SIRPB2: variants seen among roughly 807,000 people sequenced by gnomAD.
The protein encoded by SIRPB2 is signal-regulatory protein beta-2.
Under a neutral mutation model 27.1 loss-of-function variants are expected in SIRPB2, and 18 were observed. That is an observed-to-expected ratio of 0.66 (90% CI 0.46 to 0.98). The LOEUF (loss-of-function observed/expected upper bound fraction) is 0.98, where lower values mean the gene tolerates loss of function less well. Ranked by LOEUF, SIRPB2 falls within the 50% of genes least tolerant of loss-of-function variation. SIRPB2 has a pLI of 0.00. For missense variants in SIRPB2, 420 were observed against 417.4 expected (o/e 1.01, Z -0.06); for synonymous variants, 150 against 164.6 (o/e 0.91, Z 0.68).
intron 1 of SIRPB2, chr20:1,480,408 CAG>C: frequency 4.1e-6 from 1 of 242,520 alleles, no homozygotes; most frequent in Non-Finnish European, 8.1e-6. Context: ...AAAGGTTAGG[CAG>C]CTGTCCCAGG....
chr20:1,476,354 G>T lies in SIRPB2; in HGVS notation c.860-18C>A. On this transcript the variant is annotated intron_variant, in intron 4 of 4. Transcript: ENST00000359801. ...CAGGAGGCCTGGGAGGCACAGGAGA[G>T]AGCTCAGGCGGGACCCGTGGTGAGG... 2 of 1,603,956 alleles carry T rather than the reference G, an allele frequency of 1.2e-6. No homozygotes were observed. The highest frequency in any genetic ancestry group is 8.5e-7 in the Non-Finnish European group (1 of 1,175,662).
intron 3 of SIRPB2, 21 bp from the exon 4 acceptor site, chr20:1,477,424 G>T: frequency 6.2e-7 from 1 of 1,601,072 alleles, no homozygotes; most frequent in South Asian, 1.1e-5. Context: ...GAGAGGCTTT[G>T]TCATACTTCC....
intron 1 of SIRPB2, among the ~76,000 whole-genome samples, chr20:1,481,122 G>A (rs1031516888): frequency 1.3e-5 from 2 of 152,186 alleles, no homozygotes; most frequent in African/African-American, 4.8e-5. Context: ...TAAGAATTCT[G>A]TGAGGTAGAT....
At chr20:1,484,702 AAAC>A (rs1363947549) in intron 1 of SIRPB2, among the ~76,000 whole-genome samples, 1,664 of 151,920 alleles carry the variant, frequency 0.011, 37 homozygotes, top group African/African-American at 0.039. Flanking sequence ...TAAAAAAAAA[AAAC>A]AAAATAAATA....
intron 1 of SIRPB2, among the ~76,000 whole-genome samples, chr20:1,483,561 A>G (rs890533486): frequency 1.3e-5 from 2 of 152,038 alleles, no homozygotes; most frequent in Admixed American, 6.5e-5. Flanking sequence ...ATGTTTATTC[A>G]TTCCTTTCCT....
chr20:1,488,631 G>A (rs979297966), intron 1 of SIRPB2, among the ~76,000 whole-genome samples: 1 of 122,184 alleles, frequency 8.2e-6, no homozygotes, highest in Non-Finnish European at 1.7e-5. Context: ...CTGGGCAACA[G>A]AGTGAGACCC....
chr20:1,471,712 C>G (rs1485238099), downstream of SIRPB2, among the ~76,000 whole-genome samples: 4 of 152,190 alleles, frequency 2.6e-5, no homozygotes, highest in Admixed American at 6.5e-5. Context: ...GATACCGCCA[C>G]CCCAATACTG....
chr20:1,472,760 A>G (rs1355512184), downstream of SIRPB2: 1 of 152,164 alleles, frequency 6.6e-6, no homozygotes, highest in East Asian at 1.9e-4. Flanking sequence ...GCACAGCCAG[A>G]TTTCCGAGAC....
In SIRPB2 at chr20:1,479,873, G is replaced by T. The variant is rs2090650462; in HGVS notation, c.278C>A (p.Pro93His). ...CCGTTGGATCATGGGCATTACCCCA[G>T]GGAAGGAGCCACGTTTAAAGTTATA... is the stretch of plus-strand genomic sequence containing the variant. ...EIYNFKRGSF[P>H]GVMPMIQRTS... The change falls in exon 2 of 5, where the codon CCT (proline) becomes CAT (histidine). Residue 93 changes from proline to histidine, a missense_variant. Pro to His is a moderately conservative substitution (Grantham distance 77). Transcript: ENST00000359801. 5.0e-6 allele frequency: 8 copies of T among 1,614,114 alleles called. No individual in the cohort carries two copies. In the South Asian group the frequency reaches 7.7e-5, roughly 16 times the overall value.
intron 1 of SIRPB2, among the ~76,000 whole-genome samples, chr20:1,490,254 C>A (rs1233559515): frequency 6.6e-6 from 1 of 152,148 alleles, no homozygotes; most frequent in Non-Finnish European, 1.5e-5. Context: ...GTCATACGGC[C>A]AATGAGTAAG....
At chr20:1,482,922 CA>C (rs2090687363) in intron 1 of SIRPB2, among the ~76,000 whole-genome samples, 1 of 152,054 alleles carries the variant, frequency 6.6e-6, no homozygotes, top group Non-Finnish European at 1.5e-5. Flanking sequence ...CGTAGAAATG[CA>C]TGCACTCCTT....
chr20:1,488,357 G>A (rs2090746768), intron 1 of SIRPB2, among the ~76,000 whole-genome samples: 1 of 152,134 alleles, frequency 6.6e-6, no homozygotes, highest in Admixed American at 6.5e-5. Flanking sequence ...CACAGTGAGA[G>A]GTTGGTAATC....
intron 1 of SIRPB2, among the ~76,000 whole-genome samples, chr20:1,487,611 G>A (rs2123054157): frequency 6.6e-6 from 1 of 152,306 alleles, no homozygotes; most frequent in South Asian, 2.1e-4. Flanking sequence ...AGAGAGTCTA[G>A]AAATAGTCCA....
Position 1,475,781 on chromosome 20 carries a change from T to TCATTAAAAAA in SIRPB2, c.*385_*386insTTTTTTAATG. On this transcript the variant is annotated 3_prime_UTR_variant, in exon 5 of 5. Coordinates refer to ENST00000359801, the MANE Select transcript of SIRPB2 (RefSeq NM_001122962.2). ...GAGGGGCACAGATGGTCTGGCTGGT[T>TCATTAAAAAA]GAGTTCAGAGATTCTTACAGACATC... 4 of 137,440 alleles carry TCATTAAAAAA rather than the reference T, an allele frequency of 2.9e-5. No homozygotes were observed. Among genetic ancestry groups the TCATTAAAAAA allele is most frequent in the South Asian group, 3.6e-4 (2 of 5,616 alleles). The allele number at this position is 137,440 out of a possible 1,614,324, so 8.5% of individuals were successfully genotyped here.
downstream of SIRPB2, chr20:1,474,465 G>A (rs2090592070): frequency 6.6e-6 from 1 of 152,488 alleles, no homozygotes; most frequent in African/African-American, 2.4e-5. Flanking sequence ...CCGCTATAGT[G>A]AGTGCTAATA....
chr20:1,486,115 C>A (rs1181509546), intron 1 of SIRPB2, among the ~76,000 whole-genome samples: 1 of 150,520 alleles, frequency 6.6e-6, no homozygotes, highest in Non-Finnish European at 1.5e-5. Flanking sequence ...CTCTGTCACC[C>A]AGGCTGGAAT....
downstream of SIRPB2, among the ~76,000 whole-genome samples, chr20:1,472,298 C>T (rs1427127647): frequency 6.6e-6 from 1 of 152,180 alleles, no homozygotes; most frequent in African/African-American, 2.4e-5. Context: ...CCACGAAGGG[C>T]CTTAAATTGT....
rs377538882 is a variant in SIRPB2, at chr20:1,490,268, G to A, written c.85+1007C>T. 6.6e-5 allele frequency among the ~76,000 whole-genome samples: 10 copies of A among 152,262 alleles called. No homozygotes were observed. The South Asian group carries it at 1.0e-3, about 16-fold the overall frequency. On this transcript the variant is annotated intron_variant, in intron 1 of 4. Coordinates refer to ENST00000359801, the MANE Select transcript of SIRPB2 (RefSeq NM_001122962.2). ...AGTCATACGGCCAATGAGTAAGGGA[G>A]CACCTAGGTCCGACCCCACACCTGG...
At position 1,475,165 on chromosome 20, in the gene SIRPB2, C is replaced by T. The variant is rs984497; in HGVS notation, c.*1002G>A. 0.1 allele frequency: 15,610 copies of T among 152,292 alleles called. 936 individuals are homozygous for T. Among genetic ancestry groups the T allele is most frequent in the Admixed American group, 0.18 (2,754 of 15,288 alleles). 9.4% of individuals were successfully genotyped at this position (152,292 alleles called of 1,614,324 possible). On this transcript the variant is annotated 3_prime_UTR_variant, in exon 5 of 5. Coordinates refer to ENST00000359801, the MANE Select transcript of SIRPB2 (RefSeq NM_001122962.2). ...ACTCATCTTGGGAACTACTGCCCCA[C>T]ATCATGCTGCCCCAGGGGAGGTGAT... is the stretch of plus-strand genomic sequence containing the variant.
Sources: allele counts gnomAD v4.1 joint callset (sites outside exome capture counted in the v4.1 genomes callset), GRCh38; gene constraint gnomAD v4.1.1; transcripts MANE v1.5; gene names NCBI Gene and HGNC (gene_info 2026-07-23, HGNC 2026-07-21).